The following CNTNAP2 variants were observed in gnomAD, a reference collection of about 807,000 sequenced individuals.
CNTNAP2 encodes the protein contactin-associated protein-like 2.
In CNTNAP2, 98 loss-of-function variants were observed where a neutral mutation model predicts 155.2. The observed-to-expected ratio is 0.63, with a 90% CI of 0.54 to 0.75. The LOEUF is 0.75. Ranked by LOEUF, CNTNAP2 falls within the 30% of genes least tolerant of loss-of-function variation. The pLI is 0.00. For missense variants in CNTNAP2, 1,727 were observed against 1,688.1 expected (o/e 1.02, Z -0.40); for synonymous variants, 651 against 631.2 (o/e 1.03, Z -0.47).
chr7:147,300,068 T>C lies in CNTNAP2; in HGVS notation c.1349-73T>C. ...AATACTTTTATTTGTAAAATCGTGA[T>C]TTGTTGATTTTGGAAATTGTGTTCA... On this transcript the variant is annotated intron_variant, in intron 8 of 23. Coordinates refer to ENST00000361727, the MANE Select transcript of CNTNAP2 (RefSeq NM_014141.6). 3 of 1,462,672 alleles carry C rather than the reference T, an allele frequency of 2.1e-6. No individual in the cohort carries two copies. In the South Asian group the frequency reaches 3.5e-5, roughly 17 times the overall value. 90.6% of individuals were successfully genotyped at this position (1,462,672 alleles called of 1,614,324 possible). A position where few individuals can be genotyped will look rare whatever the true frequency, so the allele number is the denominator to read the frequency against.
chr7:148,321,899 T>TC (rs1470102591), intron 21 of CNTNAP2, among the ~76,000 whole-genome samples: 32 of 146,030 alleles, frequency 2.2e-4, no homozygotes, highest in African/African-American at 8.0e-4. Flanking sequence ...AAATTCTTCT[T>TC]TTTTTTTTTT....
chr7:146,678,978 TTGTC>T (rs1258656456), intron 1 of CNTNAP2, among the ~76,000 whole-genome samples: 12 of 152,172 alleles, frequency 7.9e-5, no homozygotes, highest in African/African-American at 2.9e-4. Context: ...CTTTTCAGGA[TTGTC>T]TTTCTTTTTC....
At chr7:148,129,425 A>G (rs535880830) in intron 16 of CNTNAP2, among the ~76,000 whole-genome samples, 1 of 152,266 alleles carries the variant, frequency 6.6e-6, no homozygotes, top group Admixed American at 6.5e-5. Flanking sequence ...GCTGATGTCA[A>G]CTAGGAGGGG....
At chr7:146,671,930 T>C (rs2907670) in intron 1 of CNTNAP2, among the ~76,000 whole-genome samples, 122,943 of 151,956 alleles carry the variant, frequency 0.81, 50,347 homozygotes, top group South Asian at 0.91. Context: ...ATTCTCCTGC[T>C]TCAGCCTCCC....
intron 10 of CNTNAP2, among the ~76,000 whole-genome samples, chr7:147,419,195 G>C (rs575831661): frequency 6.6e-6 from 1 of 152,102 alleles, no homozygotes; most frequent in African/African-American, 2.4e-5. Flanking sequence ...TCCCAGGGAG[G>C]AGAATCCAGG....
chr7:147,913,525 G>T (rs896065826), intron 14 of CNTNAP2, among the ~76,000 whole-genome samples: 3 of 152,094 alleles, frequency 2.0e-5, no homozygotes, highest in East Asian at 1.9e-4. Flanking sequence ...ACAACAGGCA[G>T]TTCAATGAAG....
chr7:147,083,754 TTA>T (rs921242483), intron 4 of CNTNAP2, among the ~76,000 whole-genome samples: 4 of 142,940 alleles, frequency 2.8e-5, no homozygotes, highest in African/African-American at 1.0e-4. Flanking sequence ...ATATATAGGA[TTA>T]TATATGTGTA....
chr7:148,231,455 A>T lies in CNTNAP2; in HGVS notation c.3381+1676A>T, dbSNP rs138045471. Reference sequence around the variant, plus strand: ...CATAGAATTATAGAATTTGAAAAAGATAAAACCAAACTTTGGGAAGAGAAT... The same window carrying T: ...CATAGAATTATAGAATTTGAAAAAGTTAAAACCAAACTTTGGGAAGAGAAT... On this transcript the variant is annotated intron_variant, in intron 20 of 23. Coordinates refer to ENST00000361727, the MANE Select transcript of CNTNAP2 (RefSeq NM_014141.6). 4.5e-4 allele frequency among the ~76,000 whole-genome samples: 68 copies of T among 152,356 alleles called. No individual in the cohort carries two copies. The East Asian group carries it at 0.013, about 28-fold the overall frequency.
chr7:146,309,035 CT>C, intron 1 of CNTNAP2, among the ~76,000 whole-genome samples: 1 of 152,186 alleles, frequency 6.6e-6, no homozygotes, highest in African/African-American at 2.4e-5. Flanking sequence ...AACAGACTAT[CT>C]TTTAAACCCA....
intron 1 of CNTNAP2, chr7:146,195,020 TA>T (rs1171014922): frequency 6.6e-6 from 1 of 152,222 alleles, no homozygotes; most frequent in Non-Finnish European, 1.5e-5. Flanking sequence ...TTTGTCACTT[TA>T]AAACAAAATT....
intron 13 of CNTNAP2, among the ~76,000 whole-genome samples, chr7:147,883,164 C>G (rs115368988): frequency 0.01 from 1,545 of 152,226 alleles, 23 homozygotes; most frequent in African/African-American, 0.035. Flanking sequence ...AGAAAATGGG[C>G]TCCTCTTCTC....
At chr7:146,933,762 C>A (rs1796841266) in intron 3 of CNTNAP2, among the ~76,000 whole-genome samples, 1 of 151,960 alleles carries the variant, frequency 6.6e-6, no homozygotes, top group African/African-American at 2.4e-5. Flanking sequence ...CAAACAACCC[C>A]ATCAAAAAGT....
chr7:146,352,750 G>GGTTTTTTTTTTTTTTTTTTTTT (rs1794934273), intron 1 of CNTNAP2, among the ~76,000 whole-genome samples: 1 of 64,338 alleles, frequency 1.6e-5, no homozygotes, highest in Admixed American at 2.4e-4. Context: ...GCATAATTCT[G>GGTTTTTTTTTTTTTTTTTTTTT]TTTTTTTTTT....
chr7:146,334,358 C>T (rs1223667457), intron 1 of CNTNAP2, among the ~76,000 whole-genome samples: 2 of 148,178 alleles, frequency 1.3e-5, no homozygotes, highest in Admixed American at 1.4e-4. Context: ...GTGAACCCGG[C>T]AGGTGGAGGT....
chr7:146,774,172 A>G, intron 1 of CNTNAP2, 99 bp from the exon 2 acceptor site: 1 of 827,058 alleles, frequency 1.2e-6, no homozygotes, highest in Non-Finnish European at 2.0e-6. Flanking sequence ...GATACATAAA[A>G]GACATATCAG....
intron 1 of CNTNAP2, among the ~76,000 whole-genome samples, chr7:146,709,337 T>C (rs984286585): frequency 4.6e-5 from 7 of 152,188 alleles, no homozygotes; most frequent in Non-Finnish European, 8.8e-5. Flanking sequence ...AAAGCAATTG[T>C]AGTTCTACAG....
intron 3 of CNTNAP2, among the ~76,000 whole-genome samples, chr7:146,858,858 A>G (rs1795042758): frequency 6.6e-6 from 1 of 152,178 alleles, no homozygotes; most frequent in Admixed American, 6.5e-5. Context: ...AATTTGTCCT[A>G]CATCATTTAT....
chr7:147,425,730 A>G (rs2116517666), intron 10 of CNTNAP2, among the ~76,000 whole-genome samples: 1 of 152,282 alleles, frequency 6.6e-6, no homozygotes, highest in Non-Finnish European at 1.5e-5. Context: ...AATGGAAAAT[A>G]TCGAAGAGAT....
At chr7:147,398,539 G>A in intron 10 of CNTNAP2, among the ~76,000 whole-genome samples, 1 of 145,410 alleles carries the variant, frequency 6.9e-6, no homozygotes, top group East Asian at 2.0e-4. Context: ...GAAACAATTT[G>A]TCTGAAGGTG....
Sources: allele counts gnomAD v4.1 joint callset (sites outside exome capture counted in the v4.1 genomes callset), GRCh38; gene constraint gnomAD v4.1.1; transcripts MANE v1.5; gene names NCBI Gene and HGNC (gene_info 2026-07-23, HGNC 2026-07-21).